NR3C2: variants seen among roughly 807,000 people sequenced by gnomAD.
NR3C2 encodes mineralocorticoid receptor.
NR3C2 carries 15 observed loss-of-function variants against 86.4 expected under a neutral mutation model. That is an observed-to-expected ratio of 0.17 (90% CI 0.12 to 0.27). The LOEUF (loss-of-function observed/expected upper bound fraction) is 0.27. Ranked by LOEUF, NR3C2 falls within the 10% of genes least tolerant of loss-of-function variation. The probability of loss-of-function intolerance (pLI) is 1.00; values close to 1 mark genes in which losing one functional copy is unlikely to be tolerated. For synonymous variants in NR3C2, 458 were observed against 450.5 expected (o/e 1.02, Z -0.21); for missense variants, 960 against 1,195.6 (o/e 0.80, Z 2.91).
chr4:148,253,892 T>A (rs762915718), intron 3 of NR3C2, among the ~76,000 whole-genome samples: 28 of 152,166 alleles, frequency 1.8e-4, no homozygotes, highest in Non-Finnish European at 3.4e-4. Flanking sequence ...TGGCATTTAG[T>A]AGGTATTGAG....
intron 2 of NR3C2, 61 bp from the exon 3 acceptor site, chr4:148,260,178 C>G: frequency 4.4e-6 from 7 of 1,600,628 alleles, no homozygotes; most frequent in Non-Finnish European, 6.0e-6. Context: ...ACATGCTGCA[C>G]AGCTTAGCTC....
At chr4:148,227,020 CATT>C (rs1445784437) in intron 3 of NR3C2, among the ~76,000 whole-genome samples, 1 of 152,108 alleles carries the variant, frequency 6.6e-6, no homozygotes, top group East Asian at 1.9e-4. Context: ...TGTTATATAA[CATT>C]ATAAATCTTA....
At chr4:148,126,784 T>C (rs369804336) in intron 6 of NR3C2, among the ~76,000 whole-genome samples, 5 of 152,382 alleles carry the variant, frequency 3.3e-5, no homozygotes, top group African/African-American at 1.2e-4. Context: ...CTATCATTTA[T>C]GGATTACCCG....
chr4:148,241,473 T>C (rs13108703), intron 3 of NR3C2, among the ~76,000 whole-genome samples: 124,302 of 124,302 alleles, frequency 1, 62,151 homozygotes, highest in Non-Finnish European at 1. Flanking sequence ...GCCTTTTTCT[T>C]TGGCATTCTA....
intron 4 of NR3C2, among the ~76,000 whole-genome samples, chr4:148,157,722 A>T (rs1196469123): frequency 1.3e-5 from 2 of 152,228 alleles, no homozygotes; most frequent in Non-Finnish European, 2.9e-5. Flanking sequence ...AAATTCTTGA[A>T]GCAAACAGAC....
chr4:148,214,472 A>G (rs1219619875), intron 3 of NR3C2, among the ~76,000 whole-genome samples: 1 of 152,234 alleles, frequency 6.6e-6, no homozygotes, highest in Non-Finnish European at 1.5e-5. Flanking sequence ...AAATTTTCCA[A>G]ATCATGATCT....
chr4:148,355,431 C>T (rs1201254509), intron 2 of NR3C2, among the ~76,000 whole-genome samples: 1 of 152,186 alleles, frequency 6.6e-6, no homozygotes, highest in African/African-American at 2.4e-5. Flanking sequence ...CGCTACCCTA[C>T]TCCCACTCTG....
chr4:148,289,025 T>A (rs1319590307), intron 2 of NR3C2, among the ~76,000 whole-genome samples: 1 of 152,160 alleles, frequency 6.6e-6, no homozygotes, highest in East Asian at 1.9e-4. Context: ...AAGAAACTTA[T>A]GAGACATAAA....
intron 2 of NR3C2, among the ~76,000 whole-genome samples, chr4:148,420,137 C>G (rs527974591): frequency 6.6e-6 from 1 of 152,288 alleles, no homozygotes; most frequent in East Asian, 1.9e-4. Flanking sequence ...CAATCAGAAT[C>G]TGTCGAGAAA....
At chr4:148,316,433 C>T (rs1743178759) in intron 2 of NR3C2, among the ~76,000 whole-genome samples, 1 of 152,048 alleles carries the variant, frequency 6.6e-6, no homozygotes, top group African/African-American at 2.4e-5. Context: ...GAAGCCACAA[C>T]CCAGGTAAAG....
chr4:148,087,358 C>G (rs1451194107), intron 8 of NR3C2, among the ~76,000 whole-genome samples: 1 of 152,144 alleles, frequency 6.6e-6, no homozygotes, highest in Non-Finnish European at 1.5e-5. Flanking sequence ...TCCCCACCAG[C>G]TATCATTGAC....
chr4:148,435,379 T>A lies in NR3C2; in HGVS notation c.1482A>T (p.Lys494Asn). The A allele has an allele frequency of 6.2e-7, 1 of 1,614,122 alleles. No individual in the cohort carries two copies. The highest frequency in any genetic ancestry group is 8.5e-7 in the Non-Finnish European group (1 of 1,180,018). The change falls in exon 2 of 9, where the codon AAA becomes AAT. Residue 494 changes from lysine to asparagine, a missense_variant. By Grantham distance (94) the Lys-to-Asn change is moderately conservative (BLOSUM62 0). This residue lies in a region of NR3C2 where 680 missense variants were observed against 719.0 expected (regional missense o/e 0.95). Coordinates refer to ENST00000358102, the MANE Select transcript of NR3C2 (RefSeq NM_000901.5). ...CEGSGFPVGI[K>N]QEPDDGSYYP... ...AATAGCTCCCATCATCTGGTTCTTG[T>A]TTAATACCCACTGGGAATCCGCTGC...
intron 2 of NR3C2, among the ~76,000 whole-genome samples, chr4:148,379,334 C>T (rs1746841971): frequency 6.6e-6 from 1 of 152,006 alleles, no homozygotes; most frequent in Admixed American, 6.6e-5. Context: ...TAGCTAGCTG[C>T]TCCCCTACCT....
chr4:148,434,779 T>C (rs1014402297), intron 2 of NR3C2, among the ~76,000 whole-genome samples: 5 of 152,218 alleles, frequency 3.3e-5, no homozygotes, highest in Middle Eastern at 3.2e-3. Flanking sequence ...AATCTAGTAC[T>C]GGTCTGCTAA....
At chr4:148,411,729 G>A (rs1332396817) in intron 2 of NR3C2, among the ~76,000 whole-genome samples, 1 of 152,180 alleles carries the variant, frequency 6.6e-6, no homozygotes, top group African/African-American at 2.4e-5. Flanking sequence ...CTTATGTAAG[G>A]TGCCATATGC....
intron 2 of NR3C2, among the ~76,000 whole-genome samples, chr4:148,284,763 C>T (rs529467309): frequency 4.6e-5 from 7 of 152,216 alleles, no homozygotes; most frequent in African/African-American, 1.7e-4. Context: ...TAATTCTACG[C>T]CACTGTCCAA....
intron 4 of NR3C2, among the ~76,000 whole-genome samples, chr4:148,188,802 T>C (rs1437212056): frequency 6.6e-6 from 1 of 152,188 alleles, no homozygotes; most frequent in African/African-American, 2.4e-5. Flanking sequence ...GGCATCCTTG[T>C]CTTGTTCCAG....
At chr4:148,093,266 T>C (rs1051572308) in intron 8 of NR3C2, among the ~76,000 whole-genome samples, 7 of 152,186 alleles carry the variant, frequency 4.6e-5, no homozygotes, top group Non-Finnish European at 8.8e-5. Flanking sequence ...TCACAAGTCA[T>C]TGCTGGGGCA....
At chr4:148,394,518 CAAAA>C (rs112908192) in intron 2 of NR3C2, among the ~76,000 whole-genome samples, 2 of 133,054 alleles carry the variant, frequency 1.5e-5, no homozygotes, top group African/African-American at 2.7e-5. Flanking sequence ...CAACTCTACT[CAAAA>C]AAAAAAAAAA....
Sources: gnomAD v4.1 joint callset for allele counts (sites outside exome capture counted in the v4.1 genomes callset) on GRCh38, gnomAD v4.1.1 for gene constraint, gnomAD v4.1.1 regional missense constraint, MANE v1.5 for transcripts, NCBI Gene and HGNC (gene_info 2026-07-23, HGNC 2026-07-21) for gene names.